The following SACS variants were observed in gnomAD, a reference collection of about 807,000 sequenced individuals.
SACS encodes the protein sacsin.
A neutral mutation model predicts 348.0 loss-of-function variants in SACS; 197 were observed. That is an observed-to-expected ratio of 0.57 (90% CI 0.50 to 0.64). The LOEUF is 0.64. Ranked by LOEUF, SACS falls within the 30% of genes least tolerant of loss-of-function variation. The pLI is 0.00. For missense variants in SACS, 4,999 were observed against 5,360.8 expected, an observed-to-expected ratio of 0.93 and a Z score of 2.11; for synonymous variants, 1,985 against 1,910.6, an observed-to-expected ratio of 1.04 and a Z score of -1.02.
rs1256528803 is a variant in SACS at position 23,363,438 on chromosome 13, G to C, written c.457+1728C>G. 3.6e-5 allele frequency among the ~76,000 whole-genome samples: 5 copies of C among 140,598 alleles called. 1 individual carries two copies. The highest frequency in any genetic ancestry group is 7.0e-3 in the Middle Eastern group (2 of 284). 92.2% of individuals were successfully genotyped at this position (140,598 alleles called of 152,430 possible). ...AGACAGGTTTCAACATGTTGGCCAG[G>C]CTGGTCTCGAATTCCTGACCTCAGG... On this transcript the variant is annotated intron_variant, in intron 6 of 9. Coordinates refer to ENST00000382292, the MANE Select transcript of SACS (RefSeq NM_014363.6).
At position 23,332,779 on chromosome 13, in the gene SACS, C is replaced by T; in HGVS notation, c.11097G>A (p.Leu3699=). ...GAAGAATAGGGCAGGATGTCCATAA[C>T]AGCTGGAGTACATCACATTGCTTGA... ...PKFKQCDVLQ[L]LWTSCPILPE... The change falls in exon 10 of 10, where the codon CTG becomes CTA. Residue 3699 remains leucine (L), a synonymous_variant. Transcript: ENST00000382292. The T allele has an allele frequency of 1.2e-6, 2 of 1,613,986 alleles. No individual in the cohort carries two copies. The highest frequency in any genetic ancestry group is 1.1e-5 in the South Asian group (1 of 91,078).
At chr13:23,391,744 G>C (rs1872533442) in intron 2 of SACS, among the ~76,000 whole-genome samples, 1 of 152,132 alleles carries the variant, frequency 6.6e-6, no homozygotes, top group Admixed American at 6.6e-5. Flanking sequence ...TGCCTGACCG[G>C]TAGAATACTC....
At chr13:23,429,845 A>T (rs1195357330) in intron 1 of SACS, among the ~76,000 whole-genome samples, 6 of 152,198 alleles carry the variant, frequency 3.9e-5, no homozygotes, top group Non-Finnish European at 7.3e-5. Context: ...GACTCTCAGG[A>T]ATATGACAGT....
At chr13:23,392,946 A>T (rs1019365897) in intron 2 of SACS, among the ~76,000 whole-genome samples, 1 of 152,164 alleles carries the variant, frequency 6.6e-6, no homozygotes, top group Non-Finnish European at 1.5e-5. Context: ...GTTCATGCAT[A>T]GTCACCTCCC....
chr13:23,341,582 T>C lies in SACS; in HGVS notation c.2294A>G (p.Tyr765Cys), dbSNP rs141553858. Residue 765 changes from tyrosine (Y) to cysteine (C), a missense_variant, in exon 10 of 10, where the codon TAT becomes TGT. Tyr to Cys is a radical substitution (Grantham distance 194). This residue lies in a region of SACS where 3,156 missense variants were observed against 3,380.1 expected (regional missense o/e 0.93). Coordinates refer to ENST00000382292, the MANE Select transcript of SACS (RefSeq NM_014363.6). ...GTGATTTCTGTTTTCATCAAATGGA[T>C]ACCATTGAACAATCAATTCTCTGCC... ...WPGRELIVQW[Y>C]PFDENRNHPS... 219 of 1,613,964 alleles carry C rather than the reference T, an allele frequency of 1.4e-4. 1 individual carries two copies. The highest frequency in any genetic ancestry group is 1.7e-4 in the Non-Finnish European group (204 of 1,180,014).
At position 23,375,191 on chromosome 13, in the gene SACS, A is replaced by G. The variant is rs775206528; in HGVS notation, c.99T>C (p.Asp33=). The stretch of plus-strand genomic sequence containing the variant: ...TCTCCGCGAAGATACGTTCCTTCAC[A>G]TCGCGCACGGTCCAGGACGCCAGCG... ...VAALASWTVR[D]VKERIFAETG... The change falls in exon 3 of 10, where the codon GAT becomes GAC. Residue 33 remains aspartate (D), a synonymous_variant. Transcript: ENST00000382292. 1.5e-4 allele frequency: 222 copies of G among 1,505,584 alleles called. 1 individual carries two copies. The highest frequency in any genetic ancestry group is 1.1e-4 in the Non-Finnish European group (124 of 1,127,420). The allele number at this position is 1,505,584 out of a possible 1,614,324, so 93.3% of individuals were successfully genotyped here. A position where few individuals can be genotyped will look rare whatever the true frequency, so the allele number is the denominator to read the frequency against.
At chr13:23,353,988 A>G in intron 8 of SACS, 112 bp from the exon 9 acceptor site, 1 of 729,598 alleles carries the variant, frequency 1.4e-6, no homozygotes, top group Non-Finnish European at 2.5e-6. Flanking sequence ...TTTTACATAA[A>G]TTATAATGCA....
chr13:23,371,268 G>A (rs764136238), intron 3 of SACS, 103 bp from the exon 4 acceptor site: 7 of 532,038 alleles, frequency 1.3e-5, no homozygotes, highest in Non-Finnish European at 2.2e-5. Context: ...TGCTTGTTAA[G>A]TCTTCTTATC....
chr13:23,355,595 C>T lies in SACS; in HGVS notation c.1017G>A (p.Lys339=). The T allele has an allele frequency of 6.2e-7, 1 of 1,614,146 alleles. No homozygotes were observed. Among genetic ancestry groups the T allele is most frequent in the South Asian group, 1.1e-5 (1 of 91,086 alleles). The change falls in exon 8 of 10, where the codon AAG becomes AAA. Residue 339 remains lysine, a synonymous_variant. Coordinates refer to ENST00000382292, the MANE Select transcript of SACS (RefSeq NM_014363.6). ...AATTCGGCCGCTCATGTTTCAGTGC[C>T]TTACTCTCACTCGAAGTCACTCTAA... ...LVFRVTSSES[K]ALKHERPNSI... is the part of the protein sequence containing the mutation.
Position 23,336,188 on chromosome 13 carries a change from A to G in SACS, c.7688T>C (p.Phe2563Ser). 1 of 1,614,080 alleles carries G rather than the reference A, an allele frequency of 6.2e-7. No individual in the cohort carries two copies. Among genetic ancestry groups the G allele is most frequent in the Non-Finnish European group, 8.5e-7 (1 of 1,179,946 alleles). Residue 2563 changes from phenylalanine to serine, a missense_variant, in exon 10 of 10, where the codon TTT becomes TCT. By Grantham distance (155) the Phe-to-Ser change is radical. Around this residue, in one of 6 missense-constraint regions of SACS, gnomAD observed 3,156 missense variants for 3,380.1 expected, o/e 0.93. Coordinates refer to ENST00000382292, the MANE Select transcript of SACS (RefSeq NM_014363.6). ...ADDAKATEIC[F>S]VFDPRQHPVD... Reference sequence around the variant, plus strand: ...TGGATGCTGTCTAGGATCAAACACAAAACAGATTTCTGTCGCCTTTGCATC... The same window carrying G: ...TGGATGCTGTCTAGGATCAAACACAGAACAGATTTCTGTCGCCTTTGCATC...
At chr13:23,348,635 T>C (rs1869765454) in intron 9 of SACS, among the ~76,000 whole-genome samples, 2 of 152,328 alleles carry the variant, frequency 1.3e-5, no homozygotes, top group East Asian at 1.9e-4. Flanking sequence ...CACCTCAGAC[T>C]GCAGGGCAGG....
intron 2 of SACS, among the ~76,000 whole-genome samples, chr13:23,391,435 T>G (rs4770440): frequency 2.0e-5 from 3 of 151,748 alleles, no homozygotes; most frequent in South Asian, 4.1e-4. Context: ...CCATAAGGAG[T>G]CCCCACAGGA....
intron 2 of SACS, among the ~76,000 whole-genome samples, chr13:23,383,679 C>T (rs1284864087): frequency 1.3e-5 from 2 of 152,144 alleles, no homozygotes; most frequent in East Asian, 3.9e-4. Context: ...AAAATTGTCT[C>T]TCTCCCCCCA....
chr13:23,370,330 T>C (rs1346525230), intron 4 of SACS, among the ~76,000 whole-genome samples: 1 of 152,248 alleles, frequency 6.6e-6, no homozygotes, highest in African/African-American at 2.4e-5. Context: ...ATTTTGCAAC[T>C]TGATGCATTT....
chr13:23,408,473 T>C (rs1593177286), intron 2 of SACS, among the ~76,000 whole-genome samples: 1 of 152,260 alleles, frequency 6.6e-6, no homozygotes, highest in East Asian at 1.9e-4. Context: ...CTATATCTGC[T>C]TTCATTTCAT....
intron 2 of SACS, among the ~76,000 whole-genome samples, chr13:23,388,419 T>C (rs1872389298): frequency 7.0e-6 from 1 of 142,320 alleles, no homozygotes; most frequent in Admixed American, 7.1e-5. Context: ...AAATGGTGTG[T>C]GTGTATATAT....
chr13:23,409,462 T>C (rs1873395921), intron 2 of SACS, among the ~76,000 whole-genome samples: 1 of 150,390 alleles, frequency 6.6e-6, no homozygotes, highest in Non-Finnish European at 1.5e-5. Flanking sequence ...GTTCAAGCGA[T>C]TCTACTGCCT....
intron 2 of SACS, among the ~76,000 whole-genome samples, chr13:23,399,806 G>T (rs113812893): frequency 5.9e-5 from 9 of 151,886 alleles, no homozygotes; most frequent in African/African-American, 1.9e-4. Context: ...CTAGCCCCTA[G>T]ATAAGCCCCC....
intron 2 of SACS, among the ~76,000 whole-genome samples, chr13:23,385,792 T>C (rs1003417849): frequency 6.6e-6 from 1 of 152,222 alleles, no homozygotes; most frequent in African/African-American, 2.4e-5. Context: ...TCTTAAATAA[T>C]AAGACTTGAA....
Sources: allele counts gnomAD v4.1 joint callset (sites outside exome capture counted in the v4.1 genomes callset), GRCh38; gene constraint gnomAD v4.1.1; regional missense constraint gnomAD v4.1.1; transcripts MANE v1.5; gene names NCBI Gene and HGNC (gene_info 2026-07-23, HGNC 2026-07-21).